Variants in ANO3 observed in about 807,000 individuals in gnomAD.
The protein encoded by ANO3 is anoctamin-3.
In ANO3, 99 loss-of-function variants were observed where a neutral mutation model predicts 144.8. The observed-to-expected ratio is 0.68, with a 90% CI of 0.58 to 0.81. The LOEUF is 0.81. Ranked by LOEUF, ANO3 falls within the 30% of genes least tolerant of loss-of-function variation. The pLI, the probability that ANO3 is intolerant of heterozygous loss-of-function variation, is 0.00. For synonymous variants in ANO3, 414 were observed against 392.6 expected (o/e 1.05, Z -0.64); for missense variants, 905 against 1,202.2 (o/e 0.75, Z 3.66).
At chr11:26,420,674 A>G (rs549421893) in intron 1 of ANO3, among the ~76,000 whole-genome samples, 12 of 152,140 alleles carry the variant, frequency 7.9e-5, no homozygotes, top group Middle Eastern at 3.4e-3. Flanking sequence ...CTAGGTTCTT[A>G]TATCTTGTTC....
At chr11:26,420,551 C>T (rs1857722400) in intron 1 of ANO3, among the ~76,000 whole-genome samples, 2 of 152,054 alleles carry the variant, frequency 1.3e-5, no homozygotes. Context: ...AGAGGTTGGG[C>T]TATTTGTTCC....
At chr11:26,307,757 T>C (rs567874030), upstream of ANO3, among the ~76,000 whole-genome samples, 6 of 144,840 alleles carry the variant, frequency 4.1e-5, no homozygotes, top group African/African-American at 1.3e-4. Flanking sequence ...ATAATAATAA[T>C]AACAATTTAA....
intron 3 of ANO3, among the ~76,000 whole-genome samples, chr11:26,456,298 T>C (rs1383139964): frequency 1.3e-5 from 2 of 151,998 alleles, no homozygotes; most frequent in Non-Finnish European, 2.9e-5. Context: ...ACCTACAAAA[T>C]GGGACAAAAT....
chr11:26,193,412 T>G (rs916667158), intron 1 of ANO3, among the ~76,000 whole-genome samples: 1 of 152,134 alleles, frequency 6.6e-6, no homozygotes, highest in African/African-American at 2.4e-5. Flanking sequence ...AGTGCTGGGA[T>G]TACAGGCGTC....
chr11:26,504,896 G>A (rs1381278742), intron 4 of ANO3, among the ~76,000 whole-genome samples: 7 of 151,428 alleles, frequency 4.6e-5, no homozygotes, highest in African/African-American at 1.7e-4. Context: ...CCTGTAGTCC[G>A]AGCTACTCGG....
intron 1 of ANO3, among the ~76,000 whole-genome samples, chr11:26,400,120 G>GTTGTT (rs1204738125): frequency 2.0e-5 from 3 of 151,762 alleles, no homozygotes; most frequent in Non-Finnish European, 2.9e-5. Context: ...TTTTGTTTTT[G>GTTGTT]TTGTTTTGTT....
Position 26,232,392 on chromosome 11 carries a change from T to C in ANO3, c.154+43062T>C, listed in dbSNP as rs1852420183. ...AAAACAGAGTCAAGAGGAGAAAGAGTGTGCTGGTTACATCATAGGGGACCC... is the reference window on the plus strand; with the variant it reads ...AAAACAGAGTCAAGAGGAGAAAGAGCGTGCTGGTTACATCATAGGGGACCC... On this transcript the variant is annotated intron_variant, in intron 1 of 27. Transcript: ENST00000672621. Among the ~76,000 whole-genome samples, 3 of 151,734 alleles carry C rather than the reference T, an allele frequency of 2.0e-5. No homozygotes were observed. The South Asian group carries it at 6.3e-4, about 32-fold the overall frequency.
At chr11:26,368,016 G>A (rs2133934417) in intron 1 of ANO3, among the ~76,000 whole-genome samples, 1 of 152,266 alleles carries the variant, frequency 6.6e-6, no homozygotes, top group East Asian at 1.9e-4. Flanking sequence ...CTGTACTGGG[G>A]ATTACAATTC....
At chr11:26,220,610 G>A (rs919281549) in intron 1 of ANO3, among the ~76,000 whole-genome samples, 4 of 152,186 alleles carry the variant, frequency 2.6e-5, no homozygotes, top group African/African-American at 9.7e-5. Flanking sequence ...AACCGTGAAG[G>A]CATTCTCATT....
chr11:26,203,877 A>G (rs1851745546), intron 1 of ANO3, among the ~76,000 whole-genome samples: 1 of 152,132 alleles, frequency 6.6e-6, no homozygotes, highest in African/African-American at 2.4e-5. Flanking sequence ...CAGCAGAACA[A>G]CAGCAATGGA....
rs146455379 is a variant in ANO3, at chr11:26,415,269, G to T, written c.47-26649G>T. ...GAAGACAGTGTGTTCTTCTAAAAAC[G>T]AGAGTGCTATTGAAACCTATCCATT... On this transcript the variant is annotated intron_variant, in intron 1 of 26. Coordinates refer to ENST00000256737, the MANE Select transcript of ANO3 (RefSeq NM_031418.4). Among the ~76,000 whole-genome samples the T allele has an allele frequency of 3.0e-3, 455 of 152,076 alleles. 2 individuals are homozygous for T. The highest frequency in any genetic ancestry group is 0.01 in the African/African-American group (434 of 41,510).
intron 1 of ANO3, among the ~76,000 whole-genome samples, chr11:26,199,758 C>T (rs1484042363): frequency 6.6e-6 from 1 of 152,172 alleles, no homozygotes; most frequent in Non-Finnish European, 1.5e-5. Context: ...TAAGGCCTAC[C>T]TTGGCAGTTG....
chr11:26,522,212 AAC>A (rs376979654), intron 6 of ANO3, among the ~76,000 whole-genome samples: 1 of 137,168 alleles, frequency 7.3e-6, no homozygotes, highest in Admixed American at 7.1e-5. Flanking sequence ...CAACAACAAC[AAC>A]AAAAAAAAAA....
chr11:26,425,125 A>G (rs895380224), intron 1 of ANO3, among the ~76,000 whole-genome samples: 6 of 151,898 alleles, frequency 4.0e-5, no homozygotes, highest in Non-Finnish European at 4.4e-5. Context: ...GAAAGCTAAG[A>G]GACTGAGTAC....
intron 14 of ANO3, among the ~76,000 whole-genome samples, chr11:26,568,943 C>T (rs929794936): frequency 2.0e-5 from 3 of 151,910 alleles, no homozygotes; most frequent in East Asian, 1.9e-4. Context: ...TTATGGCATT[C>T]GATTTATTTT....
chr11:26,291,119 A>T (rs1853946752), intron 1 of ANO3, among the ~76,000 whole-genome samples: 1 of 152,140 alleles, frequency 6.6e-6, no homozygotes, highest in South Asian at 2.1e-4. Context: ...TATATTTAGG[A>T]TAGTTAGCTC....
intron 4 of ANO3, among the ~76,000 whole-genome samples, chr11:26,486,377 A>AG (rs1860451298): frequency 6.7e-6 from 1 of 149,650 alleles, no homozygotes; most frequent in Admixed American, 6.7e-5. Flanking sequence ...AAAAAAAAAA[A>AG]AAGGAAGTCA....
chr11:26,215,523 T>C (rs1476251122), intron 1 of ANO3, among the ~76,000 whole-genome samples: 2 of 151,968 alleles, frequency 1.3e-5, no homozygotes, highest in Non-Finnish European at 2.9e-5. Flanking sequence ...TCAACTTGTA[T>C]ATTTTCTTCC....
intron 1 of ANO3, among the ~76,000 whole-genome samples, chr11:26,212,327 C>T (rs1464207560): frequency 6.7e-6 from 1 of 149,052 alleles, no homozygotes; most frequent in African/African-American, 2.5e-5. Context: ...AAAAACCCTT[C>T]AAAAAATCAA....
Sources: gnomAD v4.1 joint callset for allele counts (sites outside exome capture counted in the v4.1 genomes callset) on GRCh38, gnomAD v4.1.1 for gene constraint, MANE v1.5 for transcripts, NCBI Gene and HGNC (gene_info 2026-07-23, HGNC 2026-07-21) for gene names.